TMEM117: variants seen among roughly 807,000 people sequenced by gnomAD.
TMEM117 encodes transmembrane protein 117.
TMEM117 carries 27 observed loss-of-function variants against 52.4 expected under a neutral mutation model. The ratio of observed to expected loss-of-function variants is 0.51; its 90% CI spans 0.38 to 0.71. The LOEUF (loss-of-function observed/expected upper bound fraction) is 0.71. Among genes scored for constraint, TMEM117 ranks in the 30% least tolerant of loss-of-function variants. The pLI is 0.00. For synonymous variants in TMEM117, 215 were observed against 206.3 expected (o/e 1.04, Z -0.36); for missense variants, 556 against 630.5 (o/e 0.88, Z 1.26).
Position 44,388,667 on chromosome 12 carries a change from A to C in TMEM117, c.1540A>C (p.Asn514His), listed in dbSNP as rs772723532. ...AACGACTTCTAAAAGTACACCTACGAACTAGACTCGGAGATAGACTTGGAG... is the reference window on the plus strand; with the variant it reads ...AACGACTTCTAAAAGTACACCTACGCACTAGACTCGGAGATAGACTTGGAG... Reference protein sequence around the residue: ...DPTTSKSTPTN With the variant: ...DPTTSKSTPTH The change falls in exon 8 of 8, where the codon AAC becomes CAC. Residue 514 changes from asparagine (N) to histidine (H), a missense_variant. Physicochemically the swap from Asn to His is moderately conservative, Grantham distance 68 (BLOSUM62 1). Transcript: ENST00000266534. 6.2e-7 allele frequency: 1 copy of C among 1,612,502 alleles called. No homozygotes were observed. The highest frequency in any genetic ancestry group is 1.3e-5 in the African/African-American group (1 of 74,848).
the TMEM117 span, among the ~76,000 whole-genome samples, chr12:43,815,478 G>A: frequency 6.6e-6 from 1 of 152,178 alleles, no homozygotes; most frequent in Non-Finnish European, 1.5e-5. Context: ...GTGAATTGCT[G>A]AAGACACAGG....
intron 5 of TMEM117, among the ~76,000 whole-genome samples, chr12:44,298,943 C>G (rs2138638939): frequency 6.6e-6 from 1 of 150,700 alleles, no homozygotes; most frequent in South Asian, 2.1e-4. Context: ...TATCTTCTTA[C>G]ATTGCATGTC....
intron 3 of TMEM117, among the ~76,000 whole-genome samples, chr12:43,987,613 A>G (rs1169196476): frequency 6.6e-6 from 1 of 151,868 alleles, no homozygotes; most frequent in Non-Finnish European, 1.5e-5. Flanking sequence ...TATTAATCTA[A>G]TGGACAAAAA....
chr12:43,797,165 T>C, the TMEM117 span: 3 of 1,494,452 alleles, frequency 2.0e-6, no homozygotes, highest in Non-Finnish European at 2.7e-6. Flanking sequence ...ACTACATATA[T>C]AAACTTCATA....
intron 6 of TMEM117, among the ~76,000 whole-genome samples, chr12:44,361,357 T>G (rs1317333038): frequency 6.6e-6 from 1 of 152,196 alleles, no homozygotes; most frequent in Non-Finnish European, 1.5e-5. Context: ...AGAGCTTGAA[T>G]GAGGAATGTA....
intron 3 of TMEM117, among the ~76,000 whole-genome samples, chr12:44,045,857 C>A (rs545448874): frequency 1.3e-4 from 20 of 152,254 alleles, no homozygotes; most frequent in African/African-American, 4.1e-4. Flanking sequence ...GCAGTGAACT[C>A]ATGCTAATAG....
intron 2 of TMEM117, among the ~76,000 whole-genome samples, chr12:43,880,947 C>T (rs1943885704): frequency 6.6e-6 from 1 of 152,096 alleles, no homozygotes; most frequent in African/African-American, 2.4e-5. Flanking sequence ...ATAAATAGGA[C>T]TTTTATGTTC....
intron 6 of TMEM117, among the ~76,000 whole-genome samples, chr12:44,305,914 A>G (rs1442373336): frequency 6.6e-6 from 1 of 152,218 alleles, no homozygotes; most frequent in African/African-American, 2.4e-5. Flanking sequence ...AAAATGTGGT[A>G]CCTGAACACC....
intron 3 of TMEM117, among the ~76,000 whole-genome samples, chr12:44,138,928 A>G (rs1284337920): frequency 2.0e-5 from 3 of 152,180 alleles, no homozygotes; most frequent in Non-Finnish European, 4.4e-5. Context: ...AATTTTAAAA[A>G]TCTAGGTTTA....
chr12:43,942,723 A>G (rs1321878488), intron 2 of TMEM117, among the ~76,000 whole-genome samples: 5 of 152,120 alleles, frequency 3.3e-5, no homozygotes, highest in Admixed American at 2.0e-4. Context: ...GGTGAGATAT[A>G]AGGAAAAGTT....
intron 4 of TMEM117, among the ~76,000 whole-genome samples, chr12:44,201,212 CAG>C (rs1431124108): frequency 1.3e-5 from 2 of 151,980 alleles, no homozygotes; most frequent in Non-Finnish European, 2.9e-5. Context: ...ATGGTGGACT[CAG>C]GGAAGAAACA....
chr12:43,846,845 A>C lies in TMEM117; in HGVS notation c.277+1917A>C, dbSNP rs552898546. 5.3e-5 allele frequency among the ~76,000 whole-genome samples: 8 copies of C among 152,094 alleles called. No individual in the cohort carries two copies. In the South Asian group the frequency reaches 1.3e-3, roughly 24 times the overall value. ...TTAAGGAATAAATAAATAAATAACT[A>C]TCCGTACACACACACATACACGTAG... is the stretch of plus-strand genomic sequence containing the variant. On this transcript the variant is annotated intron_variant, in intron 2 of 7. Coordinates refer to ENST00000266534, the MANE Select transcript of TMEM117 (RefSeq NM_032256.3).
intron 3 of TMEM117, among the ~76,000 whole-genome samples, chr12:43,975,955 G>C (rs561410245): frequency 1.3e-5 from 2 of 152,188 alleles, no homozygotes; most frequent in Non-Finnish European, 2.9e-5. Context: ...GGATCTGCCA[G>C]ATTCCTCAGC....
chr12:44,096,285 T>C (rs909516821), intron 3 of TMEM117, among the ~76,000 whole-genome samples: 17 of 152,178 alleles, frequency 1.1e-4, no homozygotes, highest in Non-Finnish European at 2.4e-4. Flanking sequence ...ATGGCCATAC[T>C]GCCCAAGGTA....
At chr12:43,804,641 A>G in the TMEM117 span, 5 of 1,095,024 alleles carry the variant, frequency 4.6e-6, no homozygotes, top group African/African-American at 1.6e-5. Flanking sequence ...CTATATTGGA[A>G]AAGTTAATTA....
chr12:43,921,554 T>C (rs1255750033), intron 2 of TMEM117, among the ~76,000 whole-genome samples: 1 of 152,220 alleles, frequency 6.6e-6, no homozygotes, highest in African/African-American at 2.4e-5. Context: ...AAGTATTATG[T>C]GAAAGACCTT....
intron 3 of TMEM117, among the ~76,000 whole-genome samples, chr12:44,047,481 C>T (rs921202136): frequency 6.6e-6 from 1 of 152,036 alleles, no homozygotes; most frequent in Non-Finnish European, 1.5e-5. Flanking sequence ...TGAATTTAGC[C>T]CCCAAATCAC....
chr12:44,176,043 G>A (rs1949112033), intron 4 of TMEM117, among the ~76,000 whole-genome samples: 1 of 152,090 alleles, frequency 6.6e-6, no homozygotes, highest in Non-Finnish European at 1.5e-5. Flanking sequence ...GAAGCTCAAG[G>A]GGGAGATGGG....
At position 44,022,316 on chromosome 12, in the gene TMEM117, G is replaced by A. The variant is rs369483232; in HGVS notation, c.410+77974G>A. ...ACTACAATACAAAGGTGACAGAAAG[G>A]CTGTAAAACAATGTAATTAAAACAG... On this transcript the variant is annotated intron_variant, in intron 3 of 7. Transcript: ENST00000266534. Among the ~76,000 whole-genome samples, 32 of 152,216 alleles carry A rather than the reference G, an allele frequency of 2.1e-4. No homozygotes were observed. The East Asian group carries it at 5.8e-3, about 28-fold the overall frequency.
Sources: allele counts gnomAD v4.1 joint callset (sites outside exome capture counted in the v4.1 genomes callset), GRCh38; gene constraint gnomAD v4.1.1; transcripts MANE v1.5; gene names NCBI Gene and HGNC (gene_info 2026-07-23, HGNC 2026-07-21).